The following ATG2B variants were observed in gnomAD, a reference collection of about 807,000 sequenced individuals.
ATG2B encodes autophagy related 2B.
In ATG2B, 121 loss-of-function variants were observed where a neutral mutation model predicts 241.3. The observed-to-expected ratio is 0.50, with a 90% CI of 0.43 to 0.58. ATG2B has a LOEUF of 0.58. ATG2B is among the 20% of genes least tolerant of loss of function. ATG2B has a pLI of 0.00. For synonymous variants in ATG2B, 858 were observed against 876.6 expected (o/e 0.98, Z 0.37); for missense variants, 2,306 against 2,491.6 (o/e 0.93, Z 1.59).
chr14:96,361,931 G>T (rs572044591), intron 1 of ATG2B, among the ~76,000 whole-genome samples: 68 of 152,198 alleles, frequency 4.5e-4, no homozygotes, highest in African/African-American at 1.6e-3. Flanking sequence ...AGGAAGTAAG[G>T]GTTGGGCAAA....
chr14:96,310,967 C>A, intron 28 of ATG2B, 150 bp downstream of exon 28: 1 of 611,570 alleles, frequency 1.6e-6, no homozygotes, highest in African/African-American at 1.9e-5. Context: ...CCCATGAAAC[C>A]ACCGTTTCAG....
In ATG2B at chr14:96,332,232, A is replaced by C. The variant is rs1343514562; in HGVS notation, c.1468+73T>G. The C allele has an allele frequency of 3.0e-5, 37 of 1,227,636 alleles. 1 individual carries two copies. The Admixed American group carries it at 7.2e-4, about 24-fold the overall frequency. The allele number at this position is 1,227,636 out of a possible 1,614,324, so 76.0% of individuals were successfully genotyped here. On this transcript the variant is annotated intron_variant, in intron 10 of 41. Transcript: ENST00000359933. The stretch of plus-strand genomic sequence containing the variant: ...AAGACCAGAAAAAAAAAAAAAAGAA[A>C]GAAAAGCACCAGTAGAATGGCATTT...
chr14:96,337,317 G>A (rs1260875807), intron 6 of ATG2B, among the ~76,000 whole-genome samples: 1 of 152,182 alleles, frequency 6.6e-6, no homozygotes, highest in African/African-American at 2.4e-5. Flanking sequence ...TTTTCAAGGT[G>A]TGAAAATAAT....
In ATG2B at chr14:96,282,939, T is replaced by C. The variant is rs1445630476; in HGVS notation, c.*2816A>G. ...GAACTTTGCCTTATAAAAATATTGA[T>C]AAATATATGTACTTAAGCGAGAATC... On this transcript the variant is annotated 3_prime_UTR_variant, in exon 42 of 42. Coordinates refer to ENST00000359933, the MANE Select transcript of ATG2B (RefSeq NM_018036.7). 2.6e-5 allele frequency: 4 copies of C among 152,238 alleles called. No individual in the cohort carries two copies. The highest frequency in any genetic ancestry group is 9.6e-5 in the African/African-American group (4 of 41,456). 9.4% of individuals were successfully genotyped at this position (152,238 alleles called of 1,614,324 possible).
chr14:96,349,475 G>GGGAA (rs1240416896), intron 1 of ATG2B, among the ~76,000 whole-genome samples: 2 of 152,226 alleles, frequency 1.3e-5, no homozygotes, highest in African/African-American at 4.8e-5. Flanking sequence ...ACAGCATGAA[G>GGGAA]GGAAGATGCC....
intron 34 of ATG2B, among the ~76,000 whole-genome samples, chr14:96,297,672 C>T (rs1189573971): frequency 6.6e-6 from 1 of 152,224 alleles, no homozygotes; most frequent in East Asian, 1.9e-4. Flanking sequence ...GCTGAGATTA[C>T]AGGCGTGAGC....
At chr14:96,292,158 A>G (rs1031701537) in intron 36 of ATG2B, 60 bp from the exon 37 acceptor site, 54 of 1,057,742 alleles carry the variant, frequency 5.1e-5, no homozygotes, top group Non-Finnish European at 7.6e-5. Context: ...GTGAAATTAG[A>G]TATAAATTAA....
At chr14:96,295,640 C>T (rs2139840929) in intron 34 of ATG2B, 80 bp from the exon 35 acceptor site, 1 of 904,856 alleles carries the variant, frequency 1.1e-6, no homozygotes, top group Non-Finnish European at 1.7e-6. Flanking sequence ...GTATCTTAAA[C>T]TCATATATTT....
At chr14:96,360,035 A>T (rs576396372) in intron 1 of ATG2B, among the ~76,000 whole-genome samples, 2 of 152,222 alleles carry the variant, frequency 1.3e-5, no homozygotes, top group Non-Finnish European at 2.9e-5. Flanking sequence ...ACTTCTGCAC[A>T]CTGAAACATT....
chr14:96,347,243 C>T lies in ATG2B; in HGVS notation c.261G>A (p.Leu87=). The change falls in exon 2 of 42, where the codon CTG becomes CTA. Residue 87 remains leucine, a synonymous_variant. Transcript: ENST00000359933. Reference sequence around the variant, plus strand: ...TCACTTCCAGTGCACAATTATCCTGCAGTAAAGAGCCCCATGGAACTGACA... The same window carrying T: ...TCACTTCCAGTGCACAATTATCCTGTAGTAAAGAGCCCCATGGAACTGACA... ...ISLSVPWGSL[L]QDNCALEVRG... 2 of 1,611,560 alleles carry T rather than the reference C, an allele frequency of 1.2e-6. No individual in the cohort carries two copies. Among genetic ancestry groups the T allele is most frequent in the Non-Finnish European group, 1.7e-6 (2 of 1,178,036 alleles).
intron 1 of ATG2B, among the ~76,000 whole-genome samples, chr14:96,360,933 CAAAAAAAAAAA>C (rs35630598): frequency 4.1e-5 from 3 of 73,712 alleles, no homozygotes; most frequent in African/African-American, 1.1e-4. Context: ...AATCCTCTAC[CAAAAAAAAAAA>C]AAAAAAAAAA....
intron 12 of ATG2B, 59 bp from the exon 13 acceptor site, chr14:96,328,825 C>G: frequency 7.7e-7 from 1 of 1,299,914 alleles, no homozygotes; most frequent in Middle Eastern, 1.9e-4. Flanking sequence ...TACAGAGGTG[C>G]CCATACAATA....
At position 96,289,791 on chromosome 14, in the gene ATG2B, A is replaced by C. The variant is rs745893854; in HGVS notation, c.5871T>G (p.Thr1957=). 6.2e-7 allele frequency: 1 copy of C among 1,614,112 alleles called. No homozygotes were observed. The highest frequency in any genetic ancestry group is 8.5e-7 in the Non-Finnish European group (1 of 1,179,976). ...TACCAGGAGACACCATATCATAAGC[A>C]GTCTCTGCAGCTGCCTGGATCATTT... ...MVQTIQAAAE[T]AYDMVSPGTL... Residue 1957 remains threonine (T), a synonymous_variant, in exon 41 of 42, where the codon ACT becomes ACG. Coordinates refer to ENST00000359933, the MANE Select transcript of ATG2B (RefSeq NM_018036.7). This position sits in a 1 kb window ranked among gnomAD's most constrained non-coding sequence, Gnocchi z 4.3.
intron 6 of ATG2B, among the ~76,000 whole-genome samples, chr14:96,336,476 G>A (rs777974206): frequency 3.3e-5 from 5 of 152,112 alleles, no homozygotes; most frequent in Admixed American, 6.6e-5. Flanking sequence ...ATGCCACTAC[G>A]CAGTTTTTCC....
chr14:96,338,216 A>C (rs1887916509), intron 6 of ATG2B, among the ~76,000 whole-genome samples: 2 of 152,000 alleles, frequency 1.3e-5, no homozygotes, highest in Admixed American at 6.6e-5. Context: ...TAGGTATATG[A>C]CATAGCATAG....
At chr14:96,362,296 C>T (rs1222125002) in intron 1 of ATG2B, among the ~76,000 whole-genome samples, 2 of 152,144 alleles carry the variant, frequency 1.3e-5, no homozygotes, top group Non-Finnish European at 2.9e-5. Context: ...CAAACCGGCA[C>T]AAGAGGCCTT....
chr14:96,335,072 T>C (rs1896627397), intron 6 of ATG2B, among the ~76,000 whole-genome samples: 2 of 152,200 alleles, frequency 1.3e-5, no homozygotes, highest in Admixed American at 1.3e-4. Flanking sequence ...TTAGGTGGAC[T>C]TCCTTTCTCT....
chr14:96,358,193 G>C (rs979493140), intron 1 of ATG2B, among the ~76,000 whole-genome samples: 32 of 152,218 alleles, frequency 2.1e-4, no homozygotes, highest in African/African-American at 6.7e-4. Flanking sequence ...CCAGAAACTG[G>C]GGGGGGCTGA....
At chr14:96,312,914 G>C (rs989704159) in intron 25 of ATG2B, 151 bp downstream of exon 25, 1 of 445,312 alleles carries the variant, frequency 2.2e-6, no homozygotes, top group African/African-American at 2.0e-5. Flanking sequence ...TGTCACCTGA[G>C]AAAAATTGGG....
Sources: allele counts gnomAD v4.1 joint callset (sites outside exome capture counted in the v4.1 genomes callset), GRCh38; gene constraint gnomAD v4.1.1; non-coding constraint Gnocchi (gnomAD v3.1); transcripts MANE v1.5; gene names NCBI Gene and HGNC (gene_info 2026-07-23, HGNC 2026-07-21).